The following EIF3A variants were observed in gnomAD, a reference collection of about 807,000 sequenced individuals.
EIF3A encodes eukaryotic translation initiation factor 3 subunit A.
Under a neutral mutation model 186.6 loss-of-function variants are expected in EIF3A, and 21 were observed. The ratio of observed to expected loss-of-function variants is 0.11; its 90% CI spans 0.08 to 0.16. The LOEUF (loss-of-function observed/expected upper bound fraction) is 0.16, where lower values mean the gene tolerates loss of function less well. Among genes scored for constraint, EIF3A ranks in the 10% least tolerant of loss-of-function variants. The pLI is 1.00. For missense variants in EIF3A, 1,306 were observed against 1,796.3 expected, an observed-to-expected ratio of 0.73 and a Z score of 4.93; for synonymous variants, 563 against 584.3, an observed-to-expected ratio of 0.96 and a Z score of 0.52.
chr10:119,066,438 G>C (rs973070579), intron 6 of EIF3A, among the ~76,000 whole-genome samples: 2 of 138,046 alleles, frequency 1.4e-5, no homozygotes, highest in Non-Finnish European at 3.1e-5. Flanking sequence ...GAACCCAGGA[G>C]GCGGAGGGTG....
At chr10:119,072,043 AAAAGAAAG>A (rs1165520354) in intron 4 of EIF3A, among the ~76,000 whole-genome samples, 22 of 131,634 alleles carry the variant, frequency 1.7e-4, no homozygotes, top group African/African-American at 7.1e-4. Flanking sequence ...AAAAAAAAAA[AAAAGAAAG>A]AAAAAAAGAA....
At chr10:119,066,937 G>A (rs1843990681) in intron 6 of EIF3A, among the ~76,000 whole-genome samples, 1 of 152,194 alleles carries the variant, frequency 6.6e-6, no homozygotes, top group African/African-American at 2.4e-5. Flanking sequence ...TGTGGACCAG[G>A]CGCAGTGGCT....
chr10:119,052,644 G>A (rs1478984775), intron 14 of EIF3A, among the ~76,000 whole-genome samples: 2 of 152,060 alleles, frequency 1.3e-5, no homozygotes, highest in East Asian at 1.9e-4. Context: ...CCAAAGAGCT[G>A]GGATTAGAGG....
chr10:119,036,972 T>C (rs1848137253), intron 21 of EIF3A, 147 bp downstream of exon 21: 7 of 663,320 alleles, frequency 1.1e-5, no homozygotes, highest in Non-Finnish European at 1.8e-5. Flanking sequence ...ATTGAGTAAC[T>C]GTATGAAAAT....
intron 1 of EIF3A, among the ~76,000 whole-genome samples, chr10:119,075,621 AG>A (rs1554873565): frequency 1.4e-4 from 16 of 111,732 alleles, no homozygotes; most frequent in African/African-American, 4.8e-4. Flanking sequence ...AAAAAAAAAA[AG>A]GGGGGGAGCT....
At chr10:119,080,504 C>T (rs1326919535) in intron 1 of EIF3A, 124 bp downstream of exon 1, 2 of 1,403,100 alleles carry the variant, frequency 1.4e-6, no homozygotes, top group African/African-American at 1.5e-5. Context: ...CAGCGGCGGG[C>T]AGGCCGCATC....
At chr10:119,049,484 ACT>A (rs1848326192) in intron 17 of EIF3A, among the ~76,000 whole-genome samples, 1 of 79,092 alleles carries the variant, frequency 1.3e-5, no homozygotes. Context: ...ATGAAGCGAG[ACT>A]CTGTCTCAAA....
At chr10:119,070,413 T>A (rs1564760202) in intron 5 of EIF3A, among the ~76,000 whole-genome samples, 1 of 152,184 alleles carries the variant, frequency 6.6e-6, no homozygotes, top group Admixed American at 6.6e-5. Flanking sequence ...TTGTTTTAAA[T>A]TTCTGACCTC....
intron 8 of EIF3A, 44 bp downstream of exon 8, chr10:119,061,180 G>A: frequency 1.8e-6 from 2 of 1,137,534 alleles, no homozygotes; most frequent in South Asian, 2.8e-5. Context: ...CTGCAAGAAG[G>A]CCAACTCTGT....
chr10:119,037,461 A>G, intron 20 of EIF3A, 152 bp from the exon 21 acceptor site: 1 of 631,724 alleles, frequency 1.6e-6, no homozygotes, highest in Non-Finnish European at 2.7e-6. Context: ...TGGGGCGTGG[A>G]GAACAAATGA....
At chr10:119,049,660 G>T (rs370066906) in intron 17 of EIF3A, 141 bp downstream of exon 17, 2 of 689,142 alleles carry the variant, frequency 2.9e-6, no homozygotes, top group Non-Finnish European at 4.9e-6. Flanking sequence ...GCTGAGACAC[G>T]AGAATCACTT....
intron 14 of EIF3A, among the ~76,000 whole-genome samples, chr10:119,053,218 G>A (rs1239399937): frequency 1.3e-5 from 2 of 152,128 alleles, no homozygotes; most frequent in Non-Finnish European, 2.9e-5. Context: ...ACCACAGAAA[G>A]GGTAGATGCA....
At chr10:119,070,463 A>C (rs921333897) in intron 5 of EIF3A, among the ~76,000 whole-genome samples, 1 of 152,232 alleles carries the variant, frequency 6.6e-6, no homozygotes, top group Non-Finnish European at 1.5e-5. Context: ...CACAAAAATG[A>C]AACAGAAAAA....
At position 119,042,365 on chromosome 10, in the gene EIF3A, C is replaced by A. The variant is rs779235561; in HGVS notation, c.3155G>T (p.Gly1052Val). 1.9e-6 allele frequency: 3 copies of A among 1,612,984 alleles called. No homozygotes were observed. Among genetic ancestry groups the A allele is most frequent in the East Asian group, 4.5e-5 (2 of 44,842 alleles). Reference protein sequence around the residue: ...MDDDRGPRRGGADDERSSWRN... With the variant: ...MDDDRGPRRGVADDERSSWRN... Reference sequence around the variant, plus strand: ...CCAGGATGATCGCTCATCATCAGCGCCTCCTCGCCTCGGCCCCCGGTCATC... The same window carrying A: ...CCAGGATGATCGCTCATCATCAGCGACTCCTCGCCTCGGCCCCCGGTCATC... The change falls in exon 19 of 22, where the codon GGC (glycine) becomes GTC (valine). Residue 1052 changes from glycine to valine, a missense_variant. Around this residue, in one of 8 missense-constraint regions of EIF3A, gnomAD observed 410 missense variants for 473.5 expected, o/e 0.87. Coordinates refer to ENST00000369144, the MANE Select transcript of EIF3A (RefSeq NM_003750.4). This position sits in a 1 kb window ranked among gnomAD's most constrained non-coding sequence, Gnocchi z 7.8.
chr10:119,037,283 G>A lies in EIF3A; in HGVS notation c.3755C>T (p.Pro1252Leu), dbSNP rs1381458582. ...PRDEGGWRRG[P>L]AEESSSWRDS... The stretch of plus-strand genomic sequence containing the variant: ...TCTCCAGCTTGAAGATTCCTCAGCT[G>A]GTCCTCTTCTCCAGCCACCTTCATC... The change falls in exon 21 of 22, where the codon CCA becomes CTA. Residue 1252 changes from proline (P) to leucine (L), a missense_variant. Physicochemically the swap from Pro to Leu is moderately conservative, Grantham distance 98. This residue lies in a region of EIF3A where 331 missense variants were observed against 365.8 expected (regional missense o/e 0.90). Transcript: ENST00000369144. 1.2e-6 allele frequency: 2 copies of A among 1,613,956 alleles called. No individual in the cohort carries two copies. The highest frequency in any genetic ancestry group is 1.7e-6 in the Non-Finnish European group (2 of 1,179,994).
At chr10:119,044,182 C>A in intron 17 of EIF3A, 40 bp from the exon 18 acceptor site, 1 of 1,340,512 alleles carries the variant, frequency 7.5e-7, no homozygotes, top group Admixed American at 1.7e-5. Flanking sequence ...ACATTGGTAA[C>A]CATTTACTAT....
At chr10:119,051,427 C>G (rs993093332) in intron 14 of EIF3A, 106 bp from the exon 15 acceptor site, 8 of 1,122,926 alleles carry the variant, frequency 7.1e-6, no homozygotes, top group Non-Finnish European at 9.8e-6. Context: ...TCCACTGCCC[C>G]TTCTGTCATG....
Position 119,062,743 on chromosome 10 carries a change from C to CTTTTTTTT in EIF3A, c.1123-1423_1123-1416dup, listed in dbSNP as rs372690463. ...ATTAAATCTAAGTCTAAGAGATCAC[C>CTTTTTTTT]TTTTTTTTTTTTTTTTTTTTTTGAG... On this transcript the variant is annotated intron_variant, in intron 7 of 21. Transcript: ENST00000369144. Among the ~76,000 whole-genome samples the CTTTTTTTT allele has an allele frequency of 7.1e-4, 65 of 91,024 alleles. 1 individual carries two copies. Among genetic ancestry groups the CTTTTTTTT allele is most frequent in the East Asian group, 1.4e-3 (4 of 2,800 alleles). 59.7% of individuals were successfully genotyped at this position (91,024 alleles called of 152,430 possible).
At chr10:119,049,459 ACTCC>A (rs2119818562) in intron 17 of EIF3A, among the ~76,000 whole-genome samples, 1 of 140,742 alleles carries the variant, frequency 7.1e-6, no homozygotes, top group Non-Finnish European at 1.5e-5. Flanking sequence ...ACACCACTGC[ACTCC>A]AGCCTGGGCA....
Sources: allele counts gnomAD v4.1 joint callset (sites outside exome capture counted in the v4.1 genomes callset), GRCh38; gene constraint gnomAD v4.1.1; regional missense constraint gnomAD v4.1.1; non-coding constraint Gnocchi (gnomAD v3.1); transcripts MANE v1.5; gene names NCBI Gene and HGNC (gene_info 2026-07-23, HGNC 2026-07-21).